TRAPPC11: variants seen among roughly 807,000 people sequenced by gnomAD.
TRAPPC11 encodes the protein trafficking protein particle complex subunit 11.
In TRAPPC11, 104 loss-of-function variants were observed where a neutral mutation model predicts 151.2. The ratio of observed to expected loss-of-function variants is 0.69; its 90% CI spans 0.59 to 0.81. The LOEUF is 0.81. Ranked by LOEUF, TRAPPC11 falls within the 30% of genes least tolerant of loss-of-function variation. TRAPPC11 has a pLI of 0.00. For missense variants in TRAPPC11, 1,230 were observed against 1,349.6 expected (o/e 0.91, Z 1.39); for synonymous variants, 456 against 472.3 (o/e 0.97, Z 0.45).
rs34161415 is a variant in TRAPPC11, at chr4:183,674,420, CAAAAAAA to C, written c.561-274_561-268del. The stretch of plus-strand genomic sequence containing the variant: ...GTAGTGACAGAGCCAGACCCTGTCT[CAAAAAAA>C]AAAAAAAAAAAAAAAAAAGATTACC... On this transcript the variant is annotated intron_variant, in intron 5 of 29. Coordinates refer to ENST00000334690, the MANE Select transcript of TRAPPC11 (RefSeq NM_021942.6). Among the ~76,000 whole-genome samples the C allele has an allele frequency of 6.6e-3, 263 of 40,018 alleles. 2 individuals are homozygous for C. The highest frequency in any genetic ancestry group is 0.021 in the African/African-American group (246 of 11,586). The allele number at this position is 40,018 out of a possible 152,430, so 26.3% of individuals were successfully genotyped here.
chr4:183,702,495 C>T (rs935271024), intron 26 of TRAPPC11, among the ~76,000 whole-genome samples: 3 of 152,102 alleles, frequency 2.0e-5, no homozygotes, highest in African/African-American at 7.2e-5. Context: ...TGAACCAGAG[C>T]TACACCATCA....
Position 183,675,231 on chromosome 4 carries a change from C to G in TRAPPC11, c.728C>G (p.Ala243Gly). ...FSELKQDTQN[A>G]LKNYRTAYNL... ...GAGTTGAAACAAGATACACAAAATG[C>G]GCTGAAGTAAGTTAAGCTTTCAAAC... is the stretch of plus-strand genomic sequence containing the variant. The change falls in exon 7 of 30, where the codon GCG (alanine) becomes GGG (glycine). Residue 243 changes from alanine (A) to glycine (G), a missense_variant. By Grantham distance (60) the Ala-to-Gly change is moderately conservative (BLOSUM62 0). Coordinates refer to ENST00000334690, the MANE Select transcript of TRAPPC11 (RefSeq NM_021942.6). 1 of 1,529,276 alleles carries G rather than the reference C, an allele frequency of 6.5e-7. No individual in the cohort carries two copies. 94.7% of individuals were successfully genotyped at this position (1,529,276 alleles called of 1,614,324 possible).
intron 8 of TRAPPC11, among the ~76,000 whole-genome samples, chr4:183,679,084 C>A (rs1735548568): frequency 6.6e-6 from 1 of 152,104 alleles, no homozygotes; most frequent in Admixed American, 6.5e-5. Context: ...TTTTTAAATT[C>A]TGTTCCATAT....
chr4:183,665,929 CTT>C (rs11462767), intron 2 of TRAPPC11, among the ~76,000 whole-genome samples: 3 of 137,884 alleles, frequency 2.2e-5, no homozygotes, highest in African/African-American at 8.0e-5. Flanking sequence ...AAATGGGCTA[CTT>C]TTTTTTTTTT....
intron 2 of TRAPPC11, among the ~76,000 whole-genome samples, chr4:183,665,063 C>T (rs971742786): frequency 4.0e-5 from 6 of 151,420 alleles, no homozygotes; most frequent in Non-Finnish European, 7.4e-5. Context: ...CCAGCCCTGG[C>T]CCTCACACGA....
At position 183,663,982 on chromosome 4, in the gene TRAPPC11, G is replaced by GC; in HGVS notation, c.117dup (p.Phe40LeufsTer8). 1 of 1,614,060 alleles carries GC rather than the reference G, an allele frequency of 6.2e-7. No individual in the cohort carries two copies. Among genetic ancestry groups the GC allele is most frequent in the East Asian group, 2.2e-5 (1 of 44,868 alleles). ...TGCAGTCCATCGAGCTGTCTGGGAC[G>GC]CCTTCTGTGCAAATCGGAGAGCTGA... On this transcript the variant is annotated frameshift_variant, in exon 2 of 30. Coordinates refer to ENST00000334690, the MANE Select transcript of TRAPPC11 (RefSeq NM_021942.6). LOFTEE classifies it high-confidence loss of function.
chr4:183,691,254 G>A (rs1171837311), intron 18 of TRAPPC11, 62 bp from the exon 19 acceptor site: 1 of 1,320,612 alleles, frequency 7.6e-7, no homozygotes, highest in Non-Finnish European at 1.0e-6. Context: ...GAGCTCCAAA[G>A]CACTTGGCAT....
At chr4:183,665,116 A>T (rs1289421979) in intron 2 of TRAPPC11, among the ~76,000 whole-genome samples, 1 of 101,992 alleles carries the variant, frequency 9.8e-6, no homozygotes, top group Admixed American at 1.3e-4. Context: ...TTTTTTTGAG[A>T]CGGAGTCTCG....
At chr4:183,688,678 A>T (rs559361459) in intron 18 of TRAPPC11, among the ~76,000 whole-genome samples, 1 of 152,228 alleles carries the variant, frequency 6.6e-6, no homozygotes, top group Non-Finnish European at 1.5e-5. Context: ...TCAACTTCAG[A>T]CCCTTGCCCA....
In TRAPPC11 at chr4:183,679,407, C is replaced by A. The variant is rs374498633; in HGVS notation, c.886C>A (p.Arg296=). The change falls in exon 9 of 30, where the codon CGA becomes AGA. Residue 296 remains arginine (R), a synonymous_variant. Coordinates refer to ENST00000334690, the MANE Select transcript of TRAPPC11 (RefSeq NM_021942.6). The stretch of plus-strand genomic sequence containing the variant: ...CCCATTGGATGCAATTGCTCAGTTC[C>A]GAAAACACATCGACTTGTGTAAGAA... ...NTPLDAIAQF[R]KHIDLCKKKI... is the part of the protein sequence containing the mutation. The A allele has an allele frequency of 6.2e-7, 1 of 1,612,682 alleles. No individual in the cohort carries two copies. The highest frequency in any genetic ancestry group is 1.3e-5 in the African/African-American group (1 of 74,784).
Position 183,684,217 on chromosome 4 carries a change from C to T in TRAPPC11, c.1360C>T (p.His454Tyr). 7 of 1,613,870 alleles carry T rather than the reference C, an allele frequency of 4.3e-6. No homozygotes were observed. Among genetic ancestry groups the T allele is most frequent in the Non-Finnish European group, 5.1e-6 (6 of 1,179,804 alleles). ...KKYKCPRMKSHLMVQMGEEYY... is the reference protein window; with the variant it reads ...KKYKCPRMKSYLMVQMGEEYY... ...GTATAAGTGCCCGCGAATGAAAAGT[C>T]ACCTAAGTATGTATCCACAAACGTC... The change falls in exon 13 of 30, where the codon CAC (histidine) becomes TAC (tyrosine). Residue 454 changes from histidine to tyrosine, a missense_variant. His to Tyr is a moderately conservative substitution (Grantham distance 83). Transcript: ENST00000334690.
chr4:183,683,468 C>G (rs967571005), intron 11 of TRAPPC11, among the ~76,000 whole-genome samples: 18 of 152,052 alleles, frequency 1.2e-4, no homozygotes, highest in Non-Finnish European at 2.5e-4. Flanking sequence ...TGAGACCAGC[C>G]TGGGCAACAT....
intron 5 of TRAPPC11, among the ~76,000 whole-genome samples, chr4:183,668,727 T>C (rs555130525): frequency 2.0e-5 from 3 of 152,216 alleles, no homozygotes; most frequent in Non-Finnish European, 2.9e-5. Flanking sequence ...AAAGGGCAGA[T>C]TACCTGGAGA....
intron 28 of TRAPPC11, 45 bp downstream of exon 28, chr4:183,706,985 C>T (rs1737105429): frequency 3.1e-6 from 5 of 1,597,678 alleles, no homozygotes; most frequent in Non-Finnish European, 4.3e-6. Context: ...CAAAAGTGTG[C>T]CAGGAAACGG....
At chr4:183,685,940 TCTC>T (rs1735942895) in intron 17 of TRAPPC11, among the ~76,000 whole-genome samples, 1 of 152,168 alleles carries the variant, frequency 6.6e-6, no homozygotes, top group South Asian at 2.1e-4. Flanking sequence ...TTCAAGCGAT[TCTC>T]CTCCCTCAGC....
chr4:183,691,325 C>A lies in TRAPPC11; in HGVS notation c.1903C>A (p.Gln635Lys). The change falls in exon 19 of 30, where the codon CAG becomes AAG. Residue 635 changes from glutamine to lysine, a missense_variant. Coordinates refer to ENST00000334690, the MANE Select transcript of TRAPPC11 (RefSeq NM_021942.6). ...TGTTCACCTTTTTCAGGAATACAAC[C>A]AGTTCTGTGTAATAGAAGAAGCATC... is the stretch of plus-strand genomic sequence containing the variant. ...CVSFNNQEYN[Q>K]FCVIEEASKA... The A allele has an allele frequency of 6.6e-7, 1 of 1,513,738 alleles. No individual in the cohort carries two copies. Among genetic ancestry groups the A allele is most frequent in the Non-Finnish European group, 8.9e-7 (1 of 1,120,772 alleles). 93.8% of individuals were successfully genotyped at this position (1,513,738 alleles called of 1,614,324 possible).
At chr4:183,673,036 C>T (rs549749643) in intron 5 of TRAPPC11, among the ~76,000 whole-genome samples, 64 of 148,016 alleles carry the variant, frequency 4.3e-4, no homozygotes, top group African/African-American at 1.5e-3. Flanking sequence ...CATCTCCGTT[C>T]ATTGCAAGCT....
At chr4:183,701,058 G>A (rs574257702) in intron 25 of TRAPPC11, 57 of 152,406 alleles carry the variant, frequency 3.7e-4, no homozygotes, top group African/African-American at 1.3e-3. Context: ...GTGTTGCTCA[G>A]GCGAGTCTCA....
At chr4:183,660,455 C>T (rs975501791) in intron 1 of TRAPPC11, among the ~76,000 whole-genome samples, 1 of 152,156 alleles carries the variant, frequency 6.6e-6, no homozygotes, top group African/African-American at 2.4e-5. Context: ...TTTGGACATA[C>T]TGTACTGCGT....
Sources: allele counts gnomAD v4.1 joint callset (sites outside exome capture counted in the v4.1 genomes callset), GRCh38; gene constraint gnomAD v4.1.1; transcripts MANE v1.5; gene names NCBI Gene and HGNC (gene_info 2026-07-23, HGNC 2026-07-21).